Variants in RALGAPA1 observed in about 807,000 individuals in gnomAD.
RALGAPA1 encodes ral GTPase-activating protein subunit alpha-1.
In RALGAPA1, 52 loss-of-function variants were observed where a neutral mutation model predicts 269.6. The observed-to-expected ratio is 0.19, with a 90% CI of 0.15 to 0.24. The LOEUF (loss-of-function observed/expected upper bound fraction) is 0.24, where lower values mean the gene tolerates loss of function less well. Ranked by LOEUF, RALGAPA1 falls within the 10% of genes least tolerant of loss-of-function variation. The pLI is 1.00. For synonymous variants in RALGAPA1, 817 were observed against 1,008.3 expected (o/e 0.81, Z 3.60); for missense variants, 1,917 against 3,013.9 (o/e 0.64, Z 8.52).
At position 35,756,773 on chromosome 14, in the gene RALGAPA1, T is replaced by C. The variant is rs1404962899; in HGVS notation, c.663+20A>G. ...ACATAGGATAGTAAGGAGTGTGATA[T>C]CAAAGAAGATAACAAGTACCTGAAT... On this transcript the variant is annotated intron_variant, in intron 7 of 41. Transcript: ENST00000680220. 2.0e-6 allele frequency: 3 copies of C among 1,517,094 alleles called. No individual in the cohort carries two copies. The highest frequency in any genetic ancestry group is 1.4e-5 in the African/African-American group (1 of 72,936). 94.0% of individuals were successfully genotyped at this position (1,517,094 alleles called of 1,614,324 possible).
intron 39 of RALGAPA1, among the ~76,000 whole-genome samples, chr14:35,568,691 G>A (rs2056914560): frequency 6.6e-6 from 1 of 152,152 alleles, no homozygotes; most frequent in Admixed American, 6.5e-5. Context: ...TGCTGGCTGA[G>A]CTCAGCAGGG....
intron 35 of RALGAPA1, among the ~76,000 whole-genome samples, chr14:35,616,633 G>A (rs1005952470): frequency 6.6e-6 from 1 of 152,126 alleles, no homozygotes; most frequent in African/African-American, 2.4e-5. Context: ...CAGGGGGAAT[G>A]GAGAATATAT....
intron 37 of RALGAPA1, among the ~76,000 whole-genome samples, chr14:35,575,983 G>C (rs1454260143): frequency 6.6e-6 from 1 of 152,176 alleles, no homozygotes; most frequent in Non-Finnish European, 1.5e-5. Flanking sequence ...TCCAAAATGA[G>C]CCTTACCAAA....
chr14:35,695,718 A>G (rs2066846683), intron 17 of RALGAPA1, among the ~76,000 whole-genome samples: 1 of 152,192 alleles, frequency 6.6e-6, no homozygotes, highest in Non-Finnish European at 1.5e-5. Flanking sequence ...GCTGCCTACC[A>G]TGTTTATATA....
At chr14:35,650,140 G>A (rs552106454) in intron 31 of RALGAPA1, among the ~76,000 whole-genome samples, 11 of 152,228 alleles carry the variant, frequency 7.2e-5, no homozygotes, top group South Asian at 2.1e-4. Flanking sequence ...GGGAGGCCGA[G>A]GCAGGTGGAT....
intron 6 of RALGAPA1, 105 bp from the exon 7 acceptor site, chr14:35,757,013 G>T (rs1489366847): frequency 5.1e-6 from 5 of 973,248 alleles, no homozygotes; most frequent in African/African-American, 5.1e-5. Flanking sequence ...AATGAAAATT[G>T]CTTGAAAACT....
intron 16 of RALGAPA1, among the ~76,000 whole-genome samples, chr14:35,702,721 A>AT (rs1344031600): frequency 3.7e-4 from 43 of 115,292 alleles, no homozygotes; most frequent in African/African-American, 1.3e-3. Context: ...TAATTAAAAA[A>AT]AAAAAATATA....
At chr14:35,740,623 T>C (rs1213197448) in intron 11 of RALGAPA1, among the ~76,000 whole-genome samples, 1 of 152,032 alleles carries the variant, frequency 6.6e-6, no homozygotes, top group Non-Finnish European at 1.5e-5. Context: ...CTGGGAAACA[T>C]GGTGAAACCC....
chr14:35,539,805 G>C (rs1217708169), intron 41 of RALGAPA1, 115 bp from the exon 42 acceptor site: 1 of 1,458,716 alleles, frequency 6.9e-7, no homozygotes, highest in Non-Finnish European at 9.2e-7. Flanking sequence ...GATCTTTCGA[G>C]GGAAAAAGCA....
chr14:35,775,740 C>A lies in RALGAPA1; in HGVS notation c.112G>T (p.Ala38Ser). 6.5e-7 allele frequency: 1 copy of A among 1,531,920 alleles called. No individual in the cohort carries two copies. Among genetic ancestry groups the A allele is most frequent in the Non-Finnish European group, 8.7e-7 (1 of 1,148,004 alleles). The allele number at this position is 1,531,920 out of a possible 1,614,324, so 94.9% of individuals were successfully genotyped here. Reference sequence around the variant, plus strand: ...AACTGTTTAAGATCAATAGATTCTGCATTCTCTGAAAAATAAAAAAAAATT... The same window carrying A: ...AACTGTTTAAGATCAATAGATTCTGAATTCTCTGAAAAATAAAAAAAAATT... The part of the protein sequence containing the change: ...LKHLRIVIEN[A>S]ESIDLKQFFD... The change falls in exon 2 of 42, where the codon GCA becomes TCA. Residue 38 changes from alanine to serine, a missense_variant. This residue lies in a region of RALGAPA1 where 462 missense variants were observed against 725.6 expected (regional missense o/e 0.64). Transcript: ENST00000680220.
intron 1 of RALGAPA1, among the ~76,000 whole-genome samples, chr14:35,797,290 T>C (rs1233248988): frequency 7.2e-6 from 1 of 139,390 alleles, no homozygotes; most frequent in Non-Finnish European, 1.5e-5. Flanking sequence ...GAGGTGGAGG[T>C]TGCAGTGAGC....
Position 35,674,558 on chromosome 14 carries a change from T to C in RALGAPA1, c.4776A>G (p.Gln1592=), listed in dbSNP as rs1012366946. 6.2e-7 allele frequency: 1 copy of C among 1,608,502 alleles called. No homozygotes were observed. Among genetic ancestry groups the C allele is most frequent in the Non-Finnish European group, 8.5e-7 (1 of 1,177,968 alleles). ...NSIMDPEIHA[Q]VFDYLCELWQ... ...AAAGTTCACAGAGGTAATCAAAAAC[T>C]TGAGCATGTATTTCAGGATCCATGA... The change falls in exon 23 of 42, where the codon CAA becomes CAG. Residue 1592 remains glutamine, a synonymous_variant. Coordinates refer to ENST00000680220, the MANE Select transcript of RALGAPA1 (RefSeq NM_001346249.2).
intron 31 of RALGAPA1, among the ~76,000 whole-genome samples, chr14:35,641,724 TC>T (rs1209308386): frequency 6.6e-6 from 1 of 152,188 alleles, no homozygotes. Context: ...CCAATGACAT[TC>T]TTTATAGAAA....
intron 41 of RALGAPA1, among the ~76,000 whole-genome samples, chr14:35,545,794 T>C (rs568583495): frequency 1.3e-5 from 2 of 152,128 alleles, no homozygotes; most frequent in South Asian, 4.1e-4. Context: ...AAAAAGATAA[T>C]ATTGAAAAGA....
intron 1 of RALGAPA1, among the ~76,000 whole-genome samples, chr14:35,806,335 A>C (rs1210046419): frequency 1.3e-5 from 2 of 152,028 alleles, no homozygotes; most frequent in Non-Finnish European, 2.9e-5. Flanking sequence ...CATTACCATT[A>C]GTTGTAAAAT....
chr14:35,777,351 T>C (rs778877428), intron 1 of RALGAPA1, among the ~76,000 whole-genome samples: 1 of 152,190 alleles, frequency 6.6e-6, no homozygotes, highest in African/African-American at 2.4e-5. Context: ...TATGCATATG[T>C]ATATGTATTT....
chr14:35,745,561 C>T (rs570141216), intron 10 of RALGAPA1, among the ~76,000 whole-genome samples: 16 of 150,002 alleles, frequency 1.1e-4, no homozygotes, highest in Admixed American at 1.0e-3. Flanking sequence ...GTCAGGAGTT[C>T]GAGACCAGCC....
In RALGAPA1 at chr14:35,780,062, G is replaced by A. The variant is rs533437508; in HGVS notation, c.107-4317C>T. The stretch of plus-strand genomic sequence containing the variant: ...GTGGAGGTTGCAGTGAGTCAAGATC[G>A]CATCACTGCACTCCAGCCTGGGTAA... On this transcript the variant is annotated intron_variant, in intron 1 of 41. Coordinates refer to ENST00000680220, the MANE Select transcript of RALGAPA1 (RefSeq NM_001346249.2). 4.0e-5 allele frequency among the ~76,000 whole-genome samples: 6 copies of A among 151,260 alleles called. No homozygotes were observed. In the South Asian group the frequency reaches 6.3e-4, roughly 16 times the overall value.
chr14:35,621,683 G>A (rs189322300), intron 35 of RALGAPA1, among the ~76,000 whole-genome samples: 11 of 151,874 alleles, frequency 7.2e-5, no homozygotes, highest in South Asian at 6.2e-4. Context: ...AACAAACAAC[G>A]CCATCAAAAA....
Sources: allele counts gnomAD v4.1 joint callset (sites outside exome capture counted in the v4.1 genomes callset), GRCh38; gene constraint gnomAD v4.1.1; regional missense constraint gnomAD v4.1.1; transcripts MANE v1.5; gene names NCBI Gene and HGNC (gene_info 2026-07-23, HGNC 2026-07-21).